OXR1: variants seen among roughly 807,000 people sequenced by gnomAD.
OXR1 encodes oxidation resistance protein 1.
OXR1 carries 41 observed loss-of-function variants against 104.6 expected under a neutral mutation model. The observed-to-expected ratio is 0.39, with a 90% CI of 0.31 to 0.51. The LOEUF (loss-of-function observed/expected upper bound fraction) is 0.51, where lower values mean the gene tolerates loss of function less well. Among genes scored for constraint, OXR1 ranks in the 20% least tolerant of loss-of-function variants. The pLI is 0.77. For missense variants in OXR1, 955 were observed against 1,031.9 expected (o/e 0.93, Z 1.02); for synonymous variants, 348 against 348.4 (o/e 1.00, Z 0.01).
chr8:106,403,481 A>G (rs1201685312), intron 2 of OXR1, among the ~76,000 whole-genome samples: 1 of 152,228 alleles, frequency 6.6e-6, no homozygotes, highest in East Asian at 1.9e-4. Context: ...GCAATTGTGG[A>G]GCTCTTCAAG....
At chr8:106,370,858 CT>C (rs1235070241) in intron 2 of OXR1, among the ~76,000 whole-genome samples, 1 of 152,206 alleles carries the variant, frequency 6.6e-6, no homozygotes, top group African/African-American at 2.4e-5. Flanking sequence ...CTGATGTTTT[CT>C]TTTTTTCTTG....
chr8:106,492,371 G>A (rs772949280), intron 2 of OXR1, among the ~76,000 whole-genome samples: 120 of 152,254 alleles, frequency 7.9e-4, no homozygotes, highest in Non-Finnish European at 8.5e-4. Context: ...CTAAAACTTC[G>A]GGTAAAGTGT....
intron 11 of OXR1, among the ~76,000 whole-genome samples, chr8:106,721,399 A>G (rs1357497842): frequency 6.6e-6 from 1 of 152,172 alleles, no homozygotes; most frequent in Non-Finnish European, 1.5e-5. Flanking sequence ...TGATTTATTT[A>G]GTCTCCCACA....
intron 2 of OXR1, among the ~76,000 whole-genome samples, chr8:106,499,488 C>T (rs1811637187): frequency 6.6e-6 from 1 of 152,058 alleles, no homozygotes; most frequent in Non-Finnish European, 1.5e-5. Flanking sequence ...GTACAAATAG[C>T]ATAATAGATT....
At chr8:106,600,850 ACTGT>A (rs1819917462) in intron 3 of OXR1, among the ~76,000 whole-genome samples, 1 of 152,216 alleles carries the variant, frequency 6.6e-6, no homozygotes, top group African/African-American at 2.4e-5. Context: ...CATGCTAGGC[ACTGT>A]CTAATTACTG....
intron 3 of OXR1, among the ~76,000 whole-genome samples, chr8:106,595,894 G>A (rs1411029956): frequency 6.6e-6 from 1 of 152,072 alleles, no homozygotes; most frequent in Non-Finnish European, 1.5e-5. Flanking sequence ...GCAGGTCAGG[G>A]GAGACTGGTG....
chr8:106,348,377 C>G (rs955548407), intron 1 of OXR1, among the ~76,000 whole-genome samples: 2 of 152,154 alleles, frequency 1.3e-5, no homozygotes, highest in Non-Finnish European at 2.9e-5. Context: ...TGATTTTCCT[C>G]GACTTGTCCC....
At chr8:106,468,831 A>G (rs2130671571) in intron 2 of OXR1, among the ~76,000 whole-genome samples, 1 of 151,972 alleles carries the variant, frequency 6.6e-6, no homozygotes, top group African/African-American at 2.4e-5. Flanking sequence ...TTACTTCGTC[A>G]TGAGAGACAA....
chr8:106,682,703 C>T (rs748398726), intron 4 of OXR1, among the ~76,000 whole-genome samples: 4 of 152,098 alleles, frequency 2.6e-5, no homozygotes, highest in East Asian at 1.9e-4. Flanking sequence ...ATCATGGAAA[C>T]GTACGAATGA....
intron 2 of OXR1, among the ~76,000 whole-genome samples, chr8:106,408,127 C>G (rs1030527213): frequency 2.0e-5 from 3 of 152,148 alleles, no homozygotes; most frequent in Non-Finnish European, 4.4e-5. Context: ...ATCAAAGAAT[C>G]ATCGATCCCC....
At chr8:106,555,928 G>GTGTATATATATA (rs1554593236) in intron 3 of OXR1, among the ~76,000 whole-genome samples, 19 of 142,538 alleles carry the variant, frequency 1.3e-4, no homozygotes, top group East Asian at 4.2e-4. Context: ...GTATATATAT[G>GTGTATATATATA]TACATATATA....
intron 7 of OXR1, among the ~76,000 whole-genome samples, chr8:106,695,784 T>C (rs1176330662): frequency 1.3e-5 from 2 of 148,916 alleles, no homozygotes; most frequent in African/African-American, 4.9e-5. Flanking sequence ...TTAAATTTTA[T>C]GCCACTTTAT....
intron 2 of OXR1, among the ~76,000 whole-genome samples, chr8:106,412,609 G>A (rs927943302): frequency 3.9e-5 from 6 of 152,058 alleles, no homozygotes; most frequent in African/African-American, 2.4e-5. Flanking sequence ...GAGTGAGTAC[G>A]CAGGGAGTCA....
intron 1 of OXR1, among the ~76,000 whole-genome samples, chr8:106,353,488 A>G (rs1441076370): frequency 6.6e-6 from 1 of 152,022 alleles, no homozygotes. Flanking sequence ...CCAAAAATTC[A>G]TAATTCAAGT....
chr8:106,434,589 A>G (rs2130572061), intron 2 of OXR1, among the ~76,000 whole-genome samples: 1 of 152,306 alleles, frequency 6.6e-6, no homozygotes, highest in African/African-American at 2.4e-5. Context: ...TCCAGGGGTG[A>G]TAATTTTTCC....
chr8:106,736,172 C>G (rs183942697), intron 11 of OXR1, among the ~76,000 whole-genome samples: 1 of 151,232 alleles, frequency 6.6e-6, no homozygotes, highest in Admixed American at 6.6e-5. Context: ...GACACCCCCC[C>G]CCATCCGCCC....
In OXR1 at chr8:106,702,666, A is replaced by G. The variant is rs913353974; in HGVS notation, c.676-240A>G. Among the ~76,000 whole-genome samples, 4 of 152,134 alleles carry G rather than the reference A, an allele frequency of 2.6e-5. No homozygotes were observed. In the East Asian group the frequency reaches 7.7e-4, roughly 29 times the overall value. ...TAACTCAGTATTTTACTCAGTTTGCACATTTTATTTCCTTACTTGATTGTC... is the reference window on the plus strand; with the variant it reads ...TAACTCAGTATTTTACTCAGTTTGCGCATTTTATTTCCTTACTTGATTGTC... On this transcript the variant is annotated intron_variant, in intron 7 of 16. Transcript: ENST00000517566.
chr8:106,715,869 G>T (rs536479122), intron 11 of OXR1, among the ~76,000 whole-genome samples: 3 of 152,114 alleles, frequency 2.0e-5, no homozygotes, highest in African/African-American at 7.2e-5. Flanking sequence ...TCCTTTGACC[G>T]GAATTGGTGC....
intron 2 of OXR1, among the ~76,000 whole-genome samples, chr8:106,361,788 C>A (rs2130345749): frequency 6.6e-6 from 1 of 152,158 alleles, no homozygotes; most frequent in East Asian, 1.9e-4. Context: ...GAAACAAAGA[C>A]ATGAAAATAT....
Sources: gnomAD v4.1 joint callset for allele counts (sites outside exome capture counted in the v4.1 genomes callset) on GRCh38, gnomAD v4.1.1 for gene constraint, MANE v1.5 for transcripts, NCBI Gene and HGNC (gene_info 2026-07-23, HGNC 2026-07-21) for gene names.